Variants in RAPGEF1 observed in about 807,000 individuals in gnomAD.
RAPGEF1 encodes the protein CRK SH3-binding GNRP.
RAPGEF1 carries 33 observed loss-of-function variants against 143.3 expected under a neutral mutation model. That is an observed-to-expected ratio of 0.23 (90% CI 0.17 to 0.31). The LOEUF is 0.31. Among genes scored for constraint, RAPGEF1 ranks in the 10% least tolerant of loss-of-function variants. The pLI, the probability that RAPGEF1 is intolerant of heterozygous loss-of-function variation, is 1.00. For missense variants in RAPGEF1, 1,199 were observed against 1,645.4 expected (o/e 0.73, Z 4.69); for synonymous variants, 629 against 676.5 (o/e 0.93, Z 1.09).
intron 12 of RAPGEF1, among the ~76,000 whole-genome samples, chr9:131,614,041 G>A (rs746755): frequency 0.064 from 9,748 of 152,192 alleles, 720 homozygotes; most frequent in African/African-American, 0.17. Flanking sequence ...CCTCAAGGGG[G>A]CTTCACAACA....
At chr9:131,721,567 A>G (rs17553325) in intron 1 of RAPGEF1, among the ~76,000 whole-genome samples, 42,340 of 152,090 alleles carry the variant, frequency 0.28, 6,416 homozygotes, top group Non-Finnish European at 0.34. Context: ...TATTGCCACC[A>G]ACTGTATGGA....
chr9:131,732,786 C>T (rs1462629534), intron 1 of RAPGEF1, among the ~76,000 whole-genome samples: 2 of 152,228 alleles, frequency 1.3e-5, no homozygotes, highest in African/African-American at 2.4e-5. Context: ...ACTAAATTCA[C>T]TCATTCTTTT....
chr9:131,609,591 C>A (rs1328423455), intron 12 of RAPGEF1, among the ~76,000 whole-genome samples: 1 of 152,126 alleles, frequency 6.6e-6, no homozygotes, highest in Non-Finnish European at 1.5e-5. Flanking sequence ...CAGAGTGTGG[C>A]AGGACAGGCA....
chr9:131,670,812 C>T (rs536215664), intron 1 of RAPGEF1, among the ~76,000 whole-genome samples: 2 of 152,304 alleles, frequency 1.3e-5, no homozygotes, highest in African/African-American at 2.4e-5. Context: ...TTCAGTGATG[C>T]CTGGAATTGC....
chr9:131,611,495 A>G (rs1958011577), intron 12 of RAPGEF1, among the ~76,000 whole-genome samples: 1 of 152,230 alleles, frequency 6.6e-6, no homozygotes. Context: ...TGAAAATACT[A>G]CGTTTTGGCC....
intron 19 of RAPGEF1, among the ~76,000 whole-genome samples, chr9:131,589,650 G>T (rs978546529): frequency 2.0e-5 from 3 of 152,102 alleles, no homozygotes; most frequent in Non-Finnish European, 2.9e-5. Flanking sequence ...CGTTGGGCGG[G>T]TTCTCTCCTG....
chr9:131,651,883 C>T (rs1384965200), intron 1 of RAPGEF1, among the ~76,000 whole-genome samples: 13 of 152,202 alleles, frequency 8.5e-5, no homozygotes, highest in Admixed American at 7.9e-4. Flanking sequence ...TAGCTCATTG[C>T]TCTGAGGCTA....
chr9:131,720,862 T>C (rs1263776367), intron 1 of RAPGEF1, among the ~76,000 whole-genome samples: 6 of 152,256 alleles, frequency 3.9e-5, no homozygotes, highest in Non-Finnish European at 8.8e-5. Context: ...CAACTTTCTC[T>C]ATAAAACTTA....
chr9:131,724,636 G>T (rs1297473266), intron 1 of RAPGEF1, among the ~76,000 whole-genome samples: 1 of 152,128 alleles, frequency 6.6e-6, no homozygotes, highest in Non-Finnish European at 1.5e-5. Flanking sequence ...CACCAGGATT[G>T]TTATTTTCAG....
chr9:131,696,691 T>A (rs1436936641), intron 1 of RAPGEF1, among the ~76,000 whole-genome samples: 4 of 152,214 alleles, frequency 2.6e-5, no homozygotes, highest in African/African-American at 9.6e-5. Context: ...AGAAAGATAA[T>A]AATCAACAGT....
intron 1 of RAPGEF1, among the ~76,000 whole-genome samples, chr9:131,672,856 C>T (rs1395235002): frequency 6.6e-6 from 1 of 152,098 alleles, no homozygotes; most frequent in African/African-American, 2.4e-5. Context: ...TCCAACTAAG[C>T]AGTCACCCCT....
Position 131,579,614 on chromosome 9 carries a change from T to C in RAPGEF1, c.3675A>G (p.Ile1225Met). 6.2e-7 allele frequency: 1 copy of C among 1,614,012 alleles called. No individual in the cohort carries two copies. Reference protein sequence around the residue: ...HYDMRRNDDIINFFNDFSDHL... With the variant: ...HYDMRRNDDIMNFFNDFSDHL... ...GGTCACTGAAGTCATTGAAGAAGTTTATAATGTCGTCGTTCCTCCGCATGT... is the reference window on the plus strand; with the variant it reads ...GGTCACTGAAGTCATTGAAGAAGTTCATAATGTCGTCGTTCCTCCGCATGT... The change falls in exon 27 of 27, where the codon ATA becomes ATG. Residue 1225 changes from isoleucine to methionine, a missense_variant. This residue lies in a region of RAPGEF1 where 67 missense variants were observed against 105.4 expected (regional missense o/e 0.64). Transcript: ENST00000683357.
intron 15 of RAPGEF1, among the ~76,000 whole-genome samples, chr9:131,600,422 T>C (rs1326969684): frequency 6.6e-6 from 1 of 152,138 alleles, no homozygotes; most frequent in Non-Finnish European, 1.5e-5. Context: ...AACCACACCA[T>C]TCCTGGCTTC....
chr9:131,581,275 T>C (rs1951830793), intron 25 of RAPGEF1, among the ~76,000 whole-genome samples: 1 of 151,928 alleles, frequency 6.6e-6, no homozygotes, highest in Admixed American at 6.5e-5. Context: ...GTACCTGTAA[T>C]CCCAGCTACT....
At chr9:131,665,463 G>A (rs1830273080) in intron 1 of RAPGEF1, among the ~76,000 whole-genome samples, 1 of 152,058 alleles carries the variant, frequency 6.6e-6, no homozygotes, top group African/African-American at 2.4e-5. Flanking sequence ...TCAAATGGAC[G>A]ACCGCGATGG....
intron 18 of RAPGEF1, 148 bp from the exon 19 acceptor site, chr9:131,590,126 C>T: frequency 2.9e-6 from 2 of 697,710 alleles, no homozygotes; most frequent in Non-Finnish European, 5.0e-6. Context: ...GGGCACGGGA[C>T]TAGCGCAGTG....
chr9:131,666,779 TC>T (rs1564659179), intron 1 of RAPGEF1, among the ~76,000 whole-genome samples: 1 of 152,228 alleles, frequency 6.6e-6, no homozygotes, highest in African/African-American at 2.4e-5. Flanking sequence ...TCTTTTTCTT[TC>T]ATATTAATCT....
intron 1 of RAPGEF1, among the ~76,000 whole-genome samples, chr9:131,730,689 C>T (rs567752190): frequency 2.3e-5 from 1 of 42,794 alleles, no homozygotes; most frequent in South Asian, 9.9e-4. Context: ...CAGAGTGAGA[C>T]TCCATCTCAA....
intron 22 of RAPGEF1, among the ~76,000 whole-genome samples, chr9:131,587,183 AAC>A (rs560537370): frequency 1.1e-4 from 7 of 64,470 alleles, no homozygotes; most frequent in East Asian, 7.0e-4. Context: ...CTCCGTCTCA[AAC>A]ACACACACAC....
Sources: gnomAD v4.1 joint callset for allele counts (sites outside exome capture counted in the v4.1 genomes callset) on GRCh38, gnomAD v4.1.1 for gene constraint, gnomAD v4.1.1 regional missense constraint, MANE v1.5 for transcripts, NCBI Gene and HGNC (gene_info 2026-07-23, HGNC 2026-07-21) for gene names.